ZNF155: variants seen among roughly 807,000 people sequenced by gnomAD.
ZNF155 encodes zinc finger protein 155.
ZNF155 carries 15 observed loss-of-function variants against 11.9 expected under a neutral mutation model. That is an observed-to-expected ratio of 1.26 (90% CI 0.84 to 1.94). The LOEUF (loss-of-function observed/expected upper bound fraction) is 1.94, where lower values mean the gene tolerates loss of function less well. ZNF155 is among the 30% of genes most tolerant of loss of function. The pLI, the probability that ZNF155 is intolerant of heterozygous loss-of-function variation, is 0.00. For synonymous variants in ZNF155, 212 were observed against 219.9 expected (o/e 0.96, Z 0.32); for missense variants, 602 against 639.1 (o/e 0.94, Z 0.63).
chr19:43,988,697 CT>C, intron 2 of ZNF155, 139 bp downstream of exon 2: 3 of 857,484 alleles, frequency 3.5e-6, no homozygotes, highest in Non-Finnish European at 5.0e-6. Context: ...TCCTTTATCT[CT>C]TTTGTGTTGA....
rs773860913 is a variant in ZNF155, at chr19:43,996,711, A to G, written c.854A>G (p.Glu285Gly). Reference sequence around the variant, plus strand: ...GAACATAAGAGAATCCATACTGGGGAGAAACCATTCAAATGTGATATATGT... The same window carrying G: ...GAACATAAGAGAATCCATACTGGGGGGAAACCATTCAAATGTGATATATGT... ...LKEHKRIHTG[E>G]KPFKCDICGK... Residue 285 changes from glutamate to glycine, a missense_variant, in exon 5 of 5, where the codon GAG becomes GGG. Glu to Gly is a moderately conservative substitution (Grantham distance 98, BLOSUM62 -2). Transcript: ENST00000270014. The G allele has an allele frequency of 1.2e-6, 2 of 1,614,074 alleles. No homozygotes were observed.
chr19:43,992,652 C>T (rs1975706913), intron 4 of ZNF155, among the ~76,000 whole-genome samples: 1 of 152,250 alleles, frequency 6.6e-6, no homozygotes, highest in Non-Finnish European at 1.5e-5. Flanking sequence ...TTCTACCTTT[C>T]AGGTCCCTTG....
At position 43,996,877 on chromosome 19, in the gene ZNF155, A is replaced by G. The variant is rs1419875172; in HGVS notation, c.1020A>G (p.Gly340=). The G allele has an allele frequency of 6.2e-7, 1 of 1,614,204 alleles. No individual in the cohort carries two copies. The highest frequency in any genetic ancestry group is 2.2e-5 in the East Asian group (1 of 44,878). Residue 340 remains glycine (G), a synonymous_variant, in exon 5 of 5, where the codon GGA becomes GGG. Transcript: ENST00000270014. ...ALNRHCMVHT[G]EKPYRCEQCG... Reference sequence around the variant, plus strand: ...ATAGGCATTGCATGGTCCACACAGGAGAGAAACCGTACAGATGTGAGCAGT... The same window carrying G: ...ATAGGCATTGCATGGTCCACACAGGGGAGAAACCGTACAGATGTGAGCAGT...
At chr19:43,991,711 C>T in intron 3 of ZNF155, 37 bp downstream of exon 3, 1 of 1,613,512 alleles carries the variant, frequency 6.2e-7, no homozygotes, top group Non-Finnish European at 8.5e-7. Flanking sequence ...AACATCAGGC[C>T]TCAGGAGTGG....
At chr19:43,988,730 G>T in intron 2 of ZNF155, 172 bp downstream of exon 2, 1 of 561,868 alleles carries the variant, frequency 1.8e-6, no homozygotes, top group Non-Finnish European at 2.8e-6. Flanking sequence ...TTTTGGTTTT[G>T]CTTTGTTTTG....
At chr19:43,987,170 A>G (rs190234677) in intron 1 of ZNF155, among the ~76,000 whole-genome samples, 1 of 152,376 alleles carries the variant, frequency 6.6e-6, no homozygotes, top group Non-Finnish European at 1.5e-5. Flanking sequence ...AGTGCTAGAT[A>G]GCATATTCCA....
intron 2 of ZNF155, 144 bp from the exon 3 acceptor site, chr19:43,991,404 G>A (rs1975659650): frequency 7.0e-7 from 1 of 1,419,584 alleles, no homozygotes; most frequent in East Asian, 2.3e-5. Context: ...GATATAGACA[G>A]AATGAGTGGG....
intron 2 of ZNF155, 193 bp downstream of exon 2, chr19:43,988,751 A>G (rs1050976801): frequency 2.9e-5 from 14 of 479,414 alleles, no homozygotes; most frequent in Middle Eastern, 7.2e-4. Context: ...TTTTGTTACC[A>G]TTATTTATTT....
In ZNF155 at chr19:43,987,319, G is replaced by A. The variant is rs570557010; in HGVS notation, c.-85-1140G>A. On this transcript the variant is annotated intron_variant, in intron 1 of 4. Coordinates refer to ENST00000270014, the MANE Select transcript of ZNF155 (RefSeq NM_198089.3). Reference sequence around the variant, plus strand: ...CTAATTATATGCATTGTGTTTACTCGTCACATTTCTGTCTTCTTTAATCTG... The same window carrying A: ...CTAATTATATGCATTGTGTTTACTCATCACATTTCTGTCTTCTTTAATCTG... Among the ~76,000 whole-genome samples, 20 of 152,076 alleles carry A rather than the reference G, an allele frequency of 1.3e-4. No individual in the cohort carries two copies. The East Asian group carries it at 1.7e-3, about 13-fold the overall frequency.
rs1975945356 is a variant in ZNF155 at position 43,997,418 on chromosome 19, T to A, written c.1561T>A (p.Tyr521Asn). 1 of 1,606,584 alleles carries A rather than the reference T, an allele frequency of 6.2e-7. No individual in the cohort carries two copies. Among genetic ancestry groups the A allele is most frequent in the African/African-American group, 1.3e-5 (1 of 74,112 alleles). Residue 521 changes from tyrosine to asparagine, a missense_variant, in exon 5 of 5, where the codon TAC (tyrosine) becomes AAC (asparagine). By Grantham distance (143) the Tyr-to-Asn change is moderately radical. Transcript: ENST00000270014. ...PSKCEDCGRRYKRRLNLDILL... is the reference protein window; with the variant it reads ...PSKCEDCGRRNKRRLNLDILL... ...CAAATGTGAGGATTGTGGGAGACGC[T>A]ACAAGAGGCGCTTGAATCTGGATAT...
chr19:43,992,355 C>T (rs897439654), intron 4 of ZNF155, among the ~76,000 whole-genome samples: 1 of 152,270 alleles, frequency 6.6e-6, no homozygotes, highest in Admixed American at 6.5e-5. Context: ...TTGTGGTAAC[C>T]AATGACCACA....
intron 4 of ZNF155, among the ~76,000 whole-genome samples, chr19:43,992,494 A>G (rs1263992777): frequency 6.6e-6 from 1 of 152,216 alleles, no homozygotes. Flanking sequence ...CTTGGAGGGA[A>G]AACTTCACTT....
In ZNF155 at chr19:43,996,341, A is replaced by G; in HGVS notation, c.484A>G (p.Ile162Val). ...KCKQSISDVP[I>V]FDLPQQLYSE... ...TAAACAGTCCATCAGTGATGTTCCC[A>G]TCTTTGATCTTCCTCAGCAGTTATA... Residue 162 changes from isoleucine to valine, a missense_variant, in exon 5 of 5, where the codon ATC (isoleucine) becomes GTC (valine). Ile to Val is a conservative substitution (Grantham distance 29). Coordinates refer to ENST00000270014, the MANE Select transcript of ZNF155 (RefSeq NM_198089.3). 1.2e-6 allele frequency: 2 copies of G among 1,614,206 alleles called. No individual in the cohort carries two copies. The highest frequency in any genetic ancestry group is 1.7e-6 in the Non-Finnish European group (2 of 1,180,038).
intron 1 of ZNF155, among the ~76,000 whole-genome samples, chr19:43,987,079 TATC>T (rs1198807008): frequency 1.3e-5 from 2 of 152,218 alleles, no homozygotes; most frequent in Admixed American, 6.5e-5. Flanking sequence ...AATATTAAGA[TATC>T]ATATTAAATG....
chr19:43,988,343 T>C (rs1975533703), intron 1 of ZNF155, 116 bp from the exon 2 acceptor site: 1 of 422,146 alleles, frequency 2.4e-6, no homozygotes, highest in East Asian at 3.5e-5. Context: ...ACCATTTGCC[T>C]ATCCATTTAC....
At chr19:43,992,600 C>A (rs975872305) in intron 4 of ZNF155, among the ~76,000 whole-genome samples, 6 of 152,218 alleles carry the variant, frequency 3.9e-5, no homozygotes, top group African/African-American at 1.2e-4. Context: ...GACCATTCTT[C>A]CATAATCCCA....
chr19:43,986,050 C>G (rs538469645), intron 1 of ZNF155, among the ~76,000 whole-genome samples: 1 of 152,180 alleles, frequency 6.6e-6, no homozygotes, highest in Non-Finnish European at 1.5e-5. Flanking sequence ...GAGCAAGGCT[C>G]ATAGACTTGG....
At chr19:43,995,481 C>T (rs1183109091) in intron 4 of ZNF155, among the ~76,000 whole-genome samples, 1 of 149,768 alleles carries the variant, frequency 6.7e-6, no homozygotes, top group Non-Finnish European at 1.5e-5. Flanking sequence ...ACCTCCCAGG[C>T]TCAAGCAATT....
chr19:43,985,536 T>TC (rs1325908848), intron 1 of ZNF155, among the ~76,000 whole-genome samples: 1 of 104,666 alleles, frequency 9.6e-6, no homozygotes, highest in Non-Finnish European at 2.1e-5. Flanking sequence ...TCTTTTTCTT[T>TC]TTTTTTTTTT....
Sources: allele counts gnomAD v4.1 joint callset (sites outside exome capture counted in the v4.1 genomes callset), GRCh38; gene constraint gnomAD v4.1.1; transcripts MANE v1.5; gene names NCBI Gene and HGNC (gene_info 2026-07-23, HGNC 2026-07-21).